Variants in EXOSC5 observed in about 807,000 individuals in gnomAD.
The protein encoded by EXOSC5 is exosome component 5, also known as exosome complex component RRP46.
Under a neutral mutation model 23.7 loss-of-function variants are expected in EXOSC5, and 15 were observed. The observed-to-expected ratio is 0.63, with a 90% confidence interval of 0.42 to 0.97. The LOEUF is 0.97. Ranked by LOEUF, EXOSC5 falls within the 50% of genes least tolerant of loss-of-function variation. The pLI, the probability that EXOSC5 is intolerant of heterozygous loss-of-function variation, is 0.00. For missense variants in EXOSC5, 305 were observed against 316.3 expected, an observed-to-expected ratio of 0.96 and a Z score of 0.27; for synonymous variants, 143 against 140.9, an observed-to-expected ratio of 1.02 and a Z score of -0.11.
Position 41,386,731 on chromosome 19 carries a change from G to T in EXOSC5, c.616-6C>A. On this transcript the variant is annotated splice_region_variant and splice_polypyrimidine_tract_variant and intron_variant, in intron 5 of 5. Transcript: ENST00000221233. ...GCAGCCAGGCACTGCTGGAGCTGCGGGGGAGAGACTGGTCGGTGCTGGGGG... is the reference window on the plus strand; with the variant it reads ...GCAGCCAGGCACTGCTGGAGCTGCGTGGGAGAGACTGGTCGGTGCTGGGGG... 6.3e-7 allele frequency: 1 copy of T among 1,581,132 alleles called. No homozygotes were observed. Among genetic ancestry groups the T allele is most frequent in the Non-Finnish European group, 8.6e-7 (1 of 1,166,598 alleles).
intron 5 of EXOSC5, 123 bp from the exon 6 acceptor site, chr19:41,386,848 C>T: frequency 1.5e-6 from 1 of 688,432 alleles, no homozygotes; most frequent in Non-Finnish European, 2.4e-6. Context: ...CCCCTGCCCC[C>T]AAGTGAGGCA....
At chr19:41,387,235 A>G (rs1408836619) in intron 5 of EXOSC5, among the ~76,000 whole-genome samples, 1 of 152,196 alleles carries the variant, frequency 6.6e-6, no homozygotes, top group Non-Finnish European at 1.5e-5. Context: ...TGGAATTCCC[A>G]TGGCTCACCA....
intron 5 of EXOSC5, 36 bp downstream of exon 5, chr19:41,387,478 A>G (rs764621753): frequency 6.6e-7 from 1 of 1,511,020 alleles, no homozygotes; most frequent in Non-Finnish European, 9.0e-7. Flanking sequence ...GTGGGAAGGA[A>G]GGTTCTGGCT....
chr19:41,392,826 C>G, intron 2 of EXOSC5, 41 bp downstream of exon 2: 1 of 1,595,948 alleles, frequency 6.3e-7, no homozygotes, highest in Non-Finnish European at 8.6e-7. Flanking sequence ...GTGATTTTGA[C>G]AAACTGGGCA....
rs908739752 is a variant in EXOSC5 at position 41,391,165 on chromosome 19, G to A, written c.384+676C>T. Among the ~76,000 whole-genome samples the A allele has an allele frequency of 2.0e-5, 3 of 152,134 alleles. No homozygotes were observed. In the South Asian group the frequency reaches 6.2e-4, roughly 31 times the overall value. Reference sequence around the variant, plus strand: ...TGATCACTCGAGGTCAGGAGTTCGAGACCAGCCTGGCCAACACAGCAAAAC... The same window carrying A: ...TGATCACTCGAGGTCAGGAGTTCGAAACCAGCCTGGCCAACACAGCAAAAC... On this transcript the variant is annotated intron_variant, in intron 3 of 5. Transcript: ENST00000221233.
chr19:41,392,109 G>T (rs773337511), intron 2 of EXOSC5, 147 bp from the exon 3 acceptor site: 1 of 1,242,694 alleles, frequency 8.0e-7, no homozygotes, highest in African/African-American at 1.6e-5. Flanking sequence ...ATTCCAGTGG[G>T]AAGAAGGCAA....
chr19:41,393,106 A>T, intron 1 of EXOSC5, 126 bp from the exon 2 acceptor site: 1 of 678,016 alleles, frequency 1.5e-6, no homozygotes, highest in Non-Finnish European at 2.6e-6. Flanking sequence ...TGATTCTTTG[A>T]GCACTCACTT....
chr19:41,390,053 C>T, intron 3 of EXOSC5, 148 bp from the exon 4 acceptor site: 1 of 988,726 alleles, frequency 1.0e-6, no homozygotes, highest in South Asian at 1.8e-5. Flanking sequence ...CTGCCTCAGC[C>T]TCCTGAGTAG....
intron 1 of EXOSC5, among the ~76,000 whole-genome samples, chr19:41,396,726 C>G (rs1395087240): frequency 6.8e-6 from 1 of 147,958 alleles, no homozygotes; most frequent in African/African-American, 2.5e-5. Flanking sequence ...AGCGCAATGA[C>G]ATTATCTTCA....
rs963662428 is a variant in EXOSC5 at position 41,386,526 on chromosome 19, C to T, written c.*107G>A. On this transcript the variant is annotated 3_prime_UTR_variant, in exon 6 of 6. Transcript: ENST00000221233. ...CCCTGTGGTTACAGAGCTGCAGGCT[C>T]AAGGAGCCCATGGGTCAGAGAGGCA... 1 of 1,135,362 alleles carries T rather than the reference C, an allele frequency of 8.8e-7. No homozygotes were observed. Among genetic ancestry groups the T allele is most frequent in the Non-Finnish European group, 1.3e-6 (1 of 799,988 alleles). 70.3% of individuals were successfully genotyped at this position (1,135,362 alleles called of 1,614,324 possible).
intron 1 of EXOSC5, among the ~76,000 whole-genome samples, chr19:41,395,142 G>A (rs895553379): frequency 1.9e-4 from 29 of 151,770 alleles, no homozygotes; most frequent in Admixed American, 5.9e-4. Flanking sequence ...TAATTCTTAC[G>A]TTCGAAGAAA....
chr19:41,396,617 C>CTTT (rs60285872), intron 1 of EXOSC5, among the ~76,000 whole-genome samples: 2 of 130,188 alleles, frequency 1.5e-5, no homozygotes, highest in South Asian at 2.5e-4. Flanking sequence ...TTGCCCTAAT[C>CTTT]TTTTTTTTTT....
Position 41,397,354 on chromosome 19 carries a change from G to T in EXOSC5, c.-26C>A, listed in dbSNP as rs1229075629. 6.3e-7 allele frequency: 1 copy of T among 1,594,536 alleles called. No individual in the cohort carries two copies. Among genetic ancestry groups the T allele is most frequent in the East Asian group, 2.3e-5 (1 of 44,312 alleles). On this transcript the variant is annotated 5_prime_UTR_variant, in exon 1 of 6. In the 5' UTR this introduces an upstream ATG that the reference lacks. Transcript: ENST00000221233. The stretch of plus-strand genomic sequence containing the variant: ...CGCGCCGAGCCCACGTGCGGCTGCA[G>T]TTGTCACTTCCGCCTGGCAGCGCGC...
intron 1 of EXOSC5, among the ~76,000 whole-genome samples, chr19:41,394,525 T>C (rs1251790119): frequency 6.6e-6 from 1 of 152,020 alleles, no homozygotes; most frequent in Non-Finnish European, 1.5e-5. Flanking sequence ...GTCTCTATTT[T>C]CTTTTTTGGG....
chr19:41,394,995 C>T (rs2039050932), intron 1 of EXOSC5, among the ~76,000 whole-genome samples: 1 of 149,002 alleles, frequency 6.7e-6, no homozygotes, highest in Admixed American at 6.8e-5. Flanking sequence ...GATCACTTCA[C>T]TGCACTCCAG....
intron 5 of EXOSC5, 123 bp from the exon 6 acceptor site, chr19:41,386,848 C>G (rs1318688683): frequency 4.4e-6 from 3 of 688,314 alleles, no homozygotes; most frequent in Non-Finnish European, 4.9e-6. Context: ...CCCCTGCCCC[C>G]AAGTGAGGCA....
intron 2 of EXOSC5, among the ~76,000 whole-genome samples, chr19:41,392,521 T>G (rs1211604443): frequency 6.6e-6 from 1 of 151,496 alleles, no homozygotes; most frequent in Non-Finnish European, 1.5e-5. Context: ...GAGGCAGAGG[T>G]TGCAGTGAGC....
intron 2 of EXOSC5, 34 bp from the exon 3 acceptor site, chr19:41,391,996 C>T: frequency 1.9e-6 from 3 of 1,565,550 alleles, no homozygotes; most frequent in Non-Finnish European, 2.6e-6. Context: ...AGGGTCTTCC[C>T]CTTCATTTGA....
chr19:41,396,600 G>A (rs2039066929), intron 1 of EXOSC5, among the ~76,000 whole-genome samples: 1 of 147,128 alleles, frequency 6.8e-6, no homozygotes, highest in Non-Finnish European at 1.5e-5. Flanking sequence ...TGCTCTATAG[G>A]TAAGACTTGC....
Sources: allele counts gnomAD v4.1 joint callset (sites outside exome capture counted in the v4.1 genomes callset), GRCh38; gene constraint gnomAD v4.1.1; transcripts MANE v1.5; gene names NCBI Gene and HGNC (gene_info 2026-07-23, HGNC 2026-07-21).